The following PELI2 variants were observed in gnomAD, a reference collection of about 807,000 sequenced individuals.
The protein encoded by PELI2 is E3 ubiquitin-protein ligase pellino homolog 2.
PELI2 carries 23 observed loss-of-function variants against 42.3 expected under a neutral mutation model. That is an observed-to-expected ratio of 0.54 (90% CI 0.39 to 0.77). PELI2 has a LOEUF of 0.77. Ranked by LOEUF, PELI2 falls within the 30% of genes least tolerant of loss-of-function variation. The probability of loss-of-function intolerance (pLI) is 0.00; values close to 1 mark genes in which losing one functional copy is unlikely to be tolerated. For synonymous variants in PELI2, 245 were observed against 212.2 expected (o/e 1.15, Z -1.34); for missense variants, 463 against 553.2 (o/e 0.84, Z 1.64).
intron 1 of PELI2, among the ~76,000 whole-genome samples, chr14:56,168,222 G>A (rs1885036627): frequency 1.3e-5 from 2 of 152,016 alleles, no homozygotes; most frequent in African/African-American, 4.8e-5. Flanking sequence ...TCAGCAGGTG[G>A]CAAAACCAGC....
At position 56,165,749 on chromosome 14, in the gene PELI2, T is replaced by G. The variant is rs183542896; in HGVS notation, c.78-12586T>G. 2.7e-3 allele frequency among the ~76,000 whole-genome samples: 405 copies of G among 152,236 alleles called. 1 individual carries two copies. The highest frequency in any genetic ancestry group is 4.7e-3 in the Admixed American group (72 of 15,292). On this transcript the variant is annotated intron_variant, in intron 1 of 5. Coordinates refer to ENST00000267460, the MANE Select transcript of PELI2 (RefSeq NM_021255.3). Reference sequence around the variant, plus strand: ...ATCTAAAGGGGCTGAGTTGGCCCCTTTATCGTTATATAGTGACCGTCTTTG... The same window carrying G: ...ATCTAAAGGGGCTGAGTTGGCCCCTGTATCGTTATATAGTGACCGTCTTTG...
chr14:56,214,916 C>G (rs1164234340), intron 2 of PELI2, among the ~76,000 whole-genome samples: 3 of 152,190 alleles, frequency 2.0e-5, no homozygotes, highest in African/African-American at 7.2e-5. Flanking sequence ...GACAGAGGAG[C>G]ATTGCGGACC....
chr14:56,240,142 C>G (rs1887922389), intron 2 of PELI2, among the ~76,000 whole-genome samples: 1 of 152,098 alleles, frequency 6.6e-6, no homozygotes, highest in Non-Finnish European at 1.5e-5. Flanking sequence ...AGTGAGACAA[C>G]ACAGAAGTAG....
At chr14:56,212,239 G>A (rs1886737178) in intron 2 of PELI2, among the ~76,000 whole-genome samples, 1 of 152,188 alleles carries the variant, frequency 6.6e-6, no homozygotes, top group Admixed American at 6.5e-5. Flanking sequence ...ACTTCATTAG[G>A]TATTGAGCAT....
intron 1 of PELI2, among the ~76,000 whole-genome samples, chr14:56,161,340 C>G (rs1188377535): frequency 6.6e-6 from 1 of 150,468 alleles, no homozygotes; most frequent in African/African-American, 2.4e-5. Context: ...AACAGTCTAG[C>G]TTTGGTGCCA....
At chr14:56,281,372 G>C (rs751555991) in intron 3 of PELI2, among the ~76,000 whole-genome samples, 7 of 151,954 alleles carry the variant, frequency 4.6e-5, no homozygotes, top group Non-Finnish European at 1.0e-4. Context: ...TAAAATAAGT[G>C]AAAAAAGGCA....
chr14:56,237,268 C>T (rs181237314), intron 2 of PELI2, among the ~76,000 whole-genome samples: 55 of 152,292 alleles, frequency 3.6e-4, no homozygotes, highest in African/African-American at 1.3e-3. Flanking sequence ...TGGAAATCCT[C>T]AATTAATTCC....
In PELI2 at chr14:56,298,259, A is replaced by G. The variant is rs113399176; in HGVS notation, c.*1093A>G. ...AATCAAACTAAATTTAAGTGGGATG[A>G]TTAGATATACACAACACCAAGTGGT... is the stretch of plus-strand genomic sequence containing the variant. On this transcript the variant is annotated 3_prime_UTR_variant, in exon 6 of 6. Transcript: ENST00000267460. 2.0e-5 allele frequency: 3 copies of G among 152,756 alleles called. No individual in the cohort carries two copies. The highest frequency in any genetic ancestry group is 7.2e-5 in the African/African-American group (3 of 41,570). The allele number at this position is 152,756 out of a possible 1,614,324, so 9.5% of individuals were successfully genotyped here. A position where few individuals can be genotyped will look rare whatever the true frequency, so the allele number is the denominator to read the frequency against.
At chr14:56,207,368 T>C (rs1459124890) in intron 2 of PELI2, among the ~76,000 whole-genome samples, 1 of 152,202 alleles carries the variant, frequency 6.6e-6, no homozygotes, top group Non-Finnish European at 1.5e-5. Flanking sequence ...CAGATATTTT[T>C]TGATCACCTA....
intron 2 of PELI2, among the ~76,000 whole-genome samples, chr14:56,240,520 G>T (rs900334169): frequency 1.6e-4 from 24 of 152,296 alleles, no homozygotes; most frequent in African/African-American, 5.1e-4. Context: ...TAGATGGTTG[G>T]TCAGTGAGGG....
intron 1 of PELI2, among the ~76,000 whole-genome samples, chr14:56,125,844 C>T (rs573507175): frequency 5.2e-4 from 79 of 152,154 alleles, no homozygotes; most frequent in African/African-American, 1.9e-3. Context: ...GCTTCCCTTT[C>T]TGGTGCATGT....
intron 2 of PELI2, among the ~76,000 whole-genome samples, chr14:56,260,766 A>G (rs899491025): frequency 6.6e-6 from 1 of 152,218 alleles, no homozygotes; most frequent in African/African-American, 2.4e-5. Context: ...GAAGTGACAA[A>G]AGTAGAACTG....
At chr14:56,165,897 G>A (rs1449060111) in intron 1 of PELI2, among the ~76,000 whole-genome samples, 2 of 152,048 alleles carry the variant, frequency 1.3e-5, no homozygotes, top group African/African-American at 4.8e-5. Flanking sequence ...CAGTCCATAT[G>A]TGTCTTTATA....
intron 5 of PELI2, among the ~76,000 whole-genome samples, chr14:56,293,927 T>C (rs1889917474): frequency 6.6e-6 from 1 of 152,174 alleles, no homozygotes. Flanking sequence ...ATCAGGGTGA[T>C]CCTTTAGACA....
chr14:56,193,360 A>G (rs755476326), intron 2 of PELI2, among the ~76,000 whole-genome samples: 12 of 152,164 alleles, frequency 7.9e-5, no homozygotes, highest in Non-Finnish European at 1.3e-4. Flanking sequence ...CCATTATCTG[A>G]TTTGACAAGA....
intron 2 of PELI2, among the ~76,000 whole-genome samples, chr14:56,234,760 A>C (rs1031067970): frequency 3.3e-5 from 5 of 152,078 alleles, no homozygotes; most frequent in African/African-American, 1.2e-4. Context: ...TTTTTAAAAA[A>C]TGTAAAAAGT....
intron 1 of PELI2, among the ~76,000 whole-genome samples, chr14:56,140,833 A>G (rs1252820930): frequency 1.3e-5 from 2 of 152,190 alleles, no homozygotes; most frequent in African/African-American, 4.8e-5. Context: ...ACTTGGTATT[A>G]TGGGAGCTTT....
At chr14:56,243,647 G>A (rs943902528) in intron 2 of PELI2, among the ~76,000 whole-genome samples, 10 of 152,246 alleles carry the variant, frequency 6.6e-5, no homozygotes, top group Middle Eastern at 3.4e-3. Flanking sequence ...GCATTTTTGG[G>A]TCATTATTAT....
At chr14:56,164,487 T>C (rs955542543) in intron 1 of PELI2, among the ~76,000 whole-genome samples, 112 of 152,274 alleles carry the variant, frequency 7.4e-4, no homozygotes, top group African/African-American at 2.6e-3. Flanking sequence ...CCAGAGATAT[T>C]AGCCTGTAGT....
Sources: allele counts gnomAD v4.1 joint callset (sites outside exome capture counted in the v4.1 genomes callset), GRCh38; gene constraint gnomAD v4.1.1; transcripts MANE v1.5; gene names NCBI Gene and HGNC (gene_info 2026-07-23, HGNC 2026-07-21).